SRRM4: variants seen among roughly 807,000 people sequenced by gnomAD.
SRRM4 encodes the protein serine/arginine repetitive matrix 4.
In SRRM4, 33 loss-of-function variants were observed where a neutral mutation model predicts 68.9. The ratio of observed to expected loss-of-function variants is 0.48; its 90% confidence interval spans 0.36 to 0.64. The LOEUF is 0.64. Among genes scored for constraint, SRRM4 ranks in the 30% least tolerant of loss-of-function variants. The pLI is 0.00. For missense variants in SRRM4, 817 were observed against 827.1 expected (o/e 0.99, Z 0.15); for synonymous variants, 318 against 318.8 (o/e 1.00, Z 0.03).
intron 1 of SRRM4, among the ~76,000 whole-genome samples, chr12:119,017,237 G>A (rs920885042): frequency 1.3e-5 from 2 of 152,206 alleles, no homozygotes; most frequent in African/African-American, 2.4e-5. Context: ...CCCATCAAGT[G>A]CATCGTGGTA....
chr12:119,018,391 G>A (rs1251395766), intron 1 of SRRM4, among the ~76,000 whole-genome samples: 2 of 152,270 alleles, frequency 1.3e-5, no homozygotes, highest in East Asian at 1.9e-4. Flanking sequence ...ATTCAGCATC[G>A]ACTTCAGTTG....
chr12:119,100,662 G>A (rs186253225), intron 1 of SRRM4, among the ~76,000 whole-genome samples: 1 of 152,320 alleles, frequency 6.6e-6, no homozygotes. Flanking sequence ...GGAAATTGAA[G>A]TTAACAAATG....
chr12:119,113,437 A>G (rs2136047694), intron 2 of SRRM4, among the ~76,000 whole-genome samples: 1 of 152,312 alleles, frequency 6.6e-6, no homozygotes, highest in South Asian at 2.1e-4. Context: ...GAGGCTCAAG[A>G]CAGTAAAAGT....
At chr12:118,984,784 C>A (rs1953272159) in intron 1 of SRRM4, among the ~76,000 whole-genome samples, 1 of 152,038 alleles carries the variant, frequency 6.6e-6, no homozygotes, top group African/African-American at 2.4e-5. Context: ...AGATGTCTGC[C>A]TCAAATGTCA....
chr12:119,002,004 A>G (rs934350465), intron 1 of SRRM4, among the ~76,000 whole-genome samples: 1 of 147,470 alleles, frequency 6.8e-6, no homozygotes, highest in African/African-American at 2.5e-5. Flanking sequence ...AAAAAAAATC[A>G]CACAACTAGA....
At chr12:119,076,283 A>T (rs1953915567) in intron 1 of SRRM4, among the ~76,000 whole-genome samples, 1 of 152,192 alleles carries the variant, frequency 6.6e-6, no homozygotes, top group African/African-American at 2.4e-5. Context: ...AATTCTCACA[A>T]TCACCCTTTG....
intron 1 of SRRM4, among the ~76,000 whole-genome samples, chr12:119,098,940 T>A (rs2136040564): frequency 6.6e-6 from 1 of 152,258 alleles, no homozygotes; most frequent in African/African-American, 2.4e-5. Flanking sequence ...ATCTCTGCCC[T>A]TTTCTCCCTT....
chr12:119,130,532 G>T, intron 7 of SRRM4, 146 bp from the exon 8 acceptor site: 1 of 702,554 alleles, frequency 1.4e-6, no homozygotes, highest in Non-Finnish European at 2.3e-6. Flanking sequence ...CACACATGCA[G>T]ACATACCTAG....
chr12:119,102,186 G>A (rs763808391), intron 1 of SRRM4, 50 bp from the exon 2 acceptor site: 12 of 1,516,708 alleles, frequency 7.9e-6, no homozygotes, highest in African/African-American at 2.8e-5. Context: ...TGAACATTAA[G>A]TGTCTCTGTA....
chr12:119,009,155 A>G (rs1283287229), intron 1 of SRRM4, among the ~76,000 whole-genome samples: 5 of 152,208 alleles, frequency 3.3e-5, no homozygotes, highest in African/African-American at 1.2e-4. Context: ...GGCCCGCTGC[A>G]GCTGAACAGC....
Position 119,160,273 on chromosome 12 carries a change from CTCTG to C in SRRM4, c.*3479_*3482del, listed in dbSNP as rs1383246747. On this transcript the variant is annotated 3_prime_UTR_variant, in exon 13 of 13. Transcript: ENST00000267260. ...TGCCTCTCTCTCTCTCTGTCTCTCT[CTCTG>C]TCTCTCTCTCTGTCTCTCTCTCTCT... The C allele has an allele frequency of 1.4e-5, 2 of 144,854 alleles. No homozygotes were observed. Among genetic ancestry groups the C allele is most frequent in the Non-Finnish European group, 3.0e-5 (2 of 67,298 alleles). 9.0% of individuals were successfully genotyped at this position (144,854 alleles called of 1,614,324 possible).
At chr12:119,151,392 C>T (rs1954438498) in intron 10 of SRRM4, among the ~76,000 whole-genome samples, 172 bp downstream of exon 10, 1 of 151,954 alleles carries the variant, frequency 6.6e-6, no homozygotes, top group African/African-American at 2.4e-5. Context: ...TTCTCTGAAC[C>T]TGAGTTTTCC....
At chr12:119,118,359 G>A (rs1033451761) in intron 4 of SRRM4, among the ~76,000 whole-genome samples, 1 of 152,230 alleles carries the variant, frequency 6.6e-6, no homozygotes, top group African/African-American at 2.4e-5. Context: ...TGAATGAGAG[G>A]TAAGAGGTTG....
chr12:119,153,333 T>C (rs988927568), intron 10 of SRRM4, among the ~76,000 whole-genome samples: 17 of 151,536 alleles, frequency 1.1e-4, no homozygotes, highest in Middle Eastern at 3.2e-3. Context: ...GCCAGGATAG[T>C]AGGCACAAAA....
chr12:119,143,158 G>A (rs1954376713), intron 8 of SRRM4, among the ~76,000 whole-genome samples: 1 of 152,166 alleles, frequency 6.6e-6, no homozygotes, highest in Non-Finnish European at 1.5e-5. Flanking sequence ...TGCCTCCCCA[G>A]CCCCAGGAGC....
At chr12:119,128,120 T>C (rs1023339291) in intron 7 of SRRM4, among the ~76,000 whole-genome samples, 2 of 152,188 alleles carry the variant, frequency 1.3e-5, no homozygotes, top group East Asian at 3.8e-4. Context: ...CCTTGGTGTT[T>C]CTGCTGAACA....
intron 1 of SRRM4, among the ~76,000 whole-genome samples, chr12:119,047,124 A>G (rs1473436611): frequency 6.6e-6 from 1 of 151,792 alleles, no homozygotes; most frequent in Non-Finnish European, 1.5e-5. Context: ...TAATCTTGGG[A>G]AAATCTCTGA....
intron 1 of SRRM4, among the ~76,000 whole-genome samples, chr12:119,026,338 T>C (rs1953548209): frequency 6.6e-6 from 1 of 151,614 alleles, no homozygotes; most frequent in Non-Finnish European, 1.5e-5. Flanking sequence ...AAATGGACAA[T>C]TTGAAGTTAT....
chr12:119,008,061 G>A (rs7306928), intron 1 of SRRM4, among the ~76,000 whole-genome samples: 39,132 of 152,058 alleles, frequency 0.26, 5,529 homozygotes, highest in Non-Finnish European at 0.31. Flanking sequence ...GGTGCTCAGC[G>A]GTGAGGCTAA....
Sources: allele counts gnomAD v4.1 joint callset (sites outside exome capture counted in the v4.1 genomes callset), GRCh38; gene constraint gnomAD v4.1.1; transcripts MANE v1.5; gene names NCBI Gene and HGNC (gene_info 2026-07-23, HGNC 2026-07-21).